Variants in SLC22A24 observed in about 807,000 individuals in gnomAD.
The protein encoded by SLC22A24 is solute carrier family 22 member 24.
In SLC22A24, 53 loss-of-function variants were observed where a neutral mutation model predicts 49.8. The ratio of observed to expected loss-of-function variants is 1.06; its 90% CI spans 0.85 to 1.34. The LOEUF (loss-of-function observed/expected upper bound fraction) is 1.34, where lower values mean the gene tolerates loss of function less well. SLC22A24 is among the 40% of genes most tolerant of loss of function. SLC22A24 has a pLI of 0.00. For missense variants in SLC22A24, 786 were observed against 675.9 expected (o/e 1.16, Z -1.81); for synonymous variants, 302 against 256.4 (o/e 1.18, Z -1.70).
rs370848832 is a variant in SLC22A24, at chr11:63,094,991, T to C, written c.1070+1000A>G. ...GCAGAAGCTCTTTAGTTTAATTAGATCCCATTTGTCAATTTTGGCTTTTGT... is the reference window on the plus strand; with the variant it reads ...GCAGAAGCTCTTTAGTTTAATTAGACCCCATTTGTCAATTTTGGCTTTTGT... On this transcript the variant is annotated intron_variant, in intron 6 of 9. Coordinates refer to ENST00000612278, the MANE Select transcript of SLC22A24 (RefSeq NM_001136506.2). Among the ~76,000 whole-genome samples, 117 of 152,234 alleles carry C rather than the reference T, an allele frequency of 7.7e-4. 1 individual carries two copies. The East Asian group carries it at 0.02, about 26-fold the overall frequency.
intron 4 of SLC22A24, among the ~76,000 whole-genome samples, chr11:63,110,573 A>C (rs1476847740): frequency 3.6e-3 from 436 of 119,774 alleles, no homozygotes; most frequent in East Asian, 0.011. Flanking sequence ...CATCCCTTGT[A>C]AGTTGGATTC....
At position 63,131,667 on chromosome 11, in the gene SLC22A24, C is replaced by T. The variant is rs570301101; in HGVS notation, c.506+2998G>A. Among the ~76,000 whole-genome samples the T allele has an allele frequency of 3.9e-5, 6 of 152,290 alleles. No homozygotes were observed. The South Asian group carries it at 8.3e-4, about 21-fold the overall frequency. ...GAAGTGCTATTAGTCTGATGGGCTT[C>T]CCTTAGTGGGTAACCCCACCTTCAT... On this transcript the variant is annotated intron_variant, in intron 2 of 9. Coordinates refer to ENST00000612278, the MANE Select transcript of SLC22A24 (RefSeq NM_001136506.2).
intron 2 of SLC22A24, among the ~76,000 whole-genome samples, chr11:63,130,054 G>T (rs1344503783): frequency 6.6e-6 from 1 of 152,062 alleles, no homozygotes; most frequent in Admixed American, 6.6e-5. Context: ...GTCTTGTGCT[G>T]GTTTTCAAAG....
At chr11:63,098,917 T>C (rs931791841) in intron 5 of SLC22A24, among the ~76,000 whole-genome samples, 17 of 151,570 alleles carry the variant, frequency 1.1e-4, no homozygotes, top group African/African-American at 4.1e-4. Flanking sequence ...AAATCAGAAA[T>C]GAAAAAGGTG....
chr11:63,113,962 G>A (rs1353400183), intron 4 of SLC22A24, among the ~76,000 whole-genome samples: 1 of 151,948 alleles, frequency 6.6e-6, no homozygotes, highest in Non-Finnish European at 1.5e-5. Flanking sequence ...CCTTTTGTGG[G>A]TAACCCGACC....
chr11:63,122,720 G>A (rs959314323), intron 2 of SLC22A24, among the ~76,000 whole-genome samples: 8 of 151,956 alleles, frequency 5.3e-5, no homozygotes, highest in African/African-American at 1.9e-4. Flanking sequence ...CGGGGTTTCA[G>A]CATGTTGGCC....
chr11:63,112,396 G>T (rs907665698), intron 4 of SLC22A24, among the ~76,000 whole-genome samples: 1 of 152,086 alleles, frequency 6.6e-6, no homozygotes, highest in South Asian at 2.1e-4. Context: ...TTCAATTCCT[G>T]GGTATCCTTG....
At chr11:63,081,156 G>C in intron 8 of SLC22A24, 33 bp from the exon 9 acceptor site, 2 of 1,508,700 alleles carry the variant, frequency 1.3e-6, no homozygotes. Flanking sequence ...AAAAAATCTT[G>C]TATGAATCTG....
intron 2 of SLC22A24, among the ~76,000 whole-genome samples, chr11:63,130,747 C>G (rs2087328537): frequency 6.6e-6 from 1 of 152,052 alleles, no homozygotes. Flanking sequence ...TCTAGATTTT[C>G]TAGTTTATTT....
Position 63,104,082 on chromosome 11 carries a change from G to T in SLC22A24, c.954+93C>A, listed in dbSNP as rs1013747118. The T allele has an allele frequency of 9.1e-6, 12 of 1,312,382 alleles. No homozygotes were observed. In the East Asian group the frequency reaches 2.8e-4, roughly 30 times the overall value. 81.3% of individuals were successfully genotyped at this position (1,312,382 alleles called of 1,614,324 possible). A position where few individuals can be genotyped will look rare whatever the true frequency, so the allele number is the denominator to read the frequency against. On this transcript the variant is annotated intron_variant, in intron 5 of 9. Transcript: ENST00000612278. ...GAGATGTAAGACTCCACTCACAGAA[G>T]TCTAATTCTGTCACTCCAGGAACCT...
chr11:63,088,454 A>T (rs1231952636), intron 6 of SLC22A24, among the ~76,000 whole-genome samples: 1 of 152,226 alleles, frequency 6.6e-6, no homozygotes, highest in Admixed American at 6.5e-5. Flanking sequence ...TCAAAGGTAG[A>T]TAAATCCAAG....
rs1438617304 is a variant in SLC22A24 at position 63,096,146 on chromosome 11, CA to C, written c.955-41del. ...ATAACAACAAGCATTTGTGAGATGT[CA>C]ATAATGTGTCAGGCATAGTGGTAAG... On this transcript the variant is annotated intron_variant, in intron 5 of 9. Transcript: ENST00000612278. 5.4e-6 allele frequency: 7 copies of C among 1,296,084 alleles called. No individual in the cohort carries two copies. In the African/African-American group the frequency reaches 1.0e-4, roughly 19 times the overall value. 80.3% of individuals were successfully genotyped at this position (1,296,084 alleles called of 1,614,324 possible). A position where few individuals can be genotyped will look rare whatever the true frequency, so the allele number is the denominator to read the frequency against.
chr11:63,095,431 A>G (rs935673974), intron 6 of SLC22A24, among the ~76,000 whole-genome samples: 2 of 152,212 alleles, frequency 1.3e-5, no homozygotes, highest in African/African-American at 4.8e-5. Context: ...GACAAAATGA[A>G]TAAATTTCAC....
chr11:63,080,848 T>C, intron 9 of SLC22A24, 72 bp downstream of exon 9: 1 of 1,354,100 alleles, frequency 7.4e-7, no homozygotes, highest in Admixed American at 2.1e-5. Flanking sequence ...AAATGGTCGT[T>C]GACCTTTCTC....
intron 6 of SLC22A24, among the ~76,000 whole-genome samples, chr11:63,086,391 T>C (rs955948576): frequency 2.0e-5 from 3 of 152,154 alleles, no homozygotes; most frequent in African/African-American, 7.2e-5. Flanking sequence ...TGCATCAACA[T>C]AGATATAGCT....
intron 6 of SLC22A24, among the ~76,000 whole-genome samples, chr11:63,094,713 G>T (rs2087042417): frequency 6.6e-6 from 1 of 152,132 alleles, no homozygotes; most frequent in East Asian, 1.9e-4. Context: ...GTTTTGATTT[G>T]CATTTCTCTG....
chr11:63,089,941 CGTG>C (rs2087009045), intron 6 of SLC22A24, among the ~76,000 whole-genome samples: 2 of 151,532 alleles, frequency 1.3e-5, no homozygotes, highest in South Asian at 2.1e-4. Flanking sequence ...ATTAGCCAGG[CGTG>C]GTGGTGGGCG....
chr11:63,112,808 T>C (rs1428417860), intron 4 of SLC22A24, among the ~76,000 whole-genome samples: 1 of 151,232 alleles, frequency 6.6e-6, no homozygotes, highest in Non-Finnish European at 1.5e-5. Context: ...GGTCAGGAGA[T>C]TGAGACCATC....
At chr11:63,081,233 T>A (rs1185483233) in intron 8 of SLC22A24, 110 bp from the exon 9 acceptor site, 1 of 926,938 alleles carries the variant, frequency 1.1e-6, no homozygotes, top group Non-Finnish European at 1.6e-6. Flanking sequence ...ACTAAACACA[T>A]GGGCTTTGAC....
Sources: allele counts gnomAD v4.1 joint callset (sites outside exome capture counted in the v4.1 genomes callset), GRCh38; gene constraint gnomAD v4.1.1; transcripts MANE v1.5; gene names NCBI Gene and HGNC (gene_info 2026-07-23, HGNC 2026-07-21).